ZFPM1: variants seen among roughly 807,000 people sequenced by gnomAD.
The protein encoded by ZFPM1 is zinc finger protein ZFPM1.
In ZFPM1, 28 loss-of-function variants were observed where a neutral mutation model predicts 46.3. The observed-to-expected ratio is 0.60, with a 90% CI of 0.45 to 0.83. ZFPM1 has a LOEUF of 0.83. ZFPM1 is among the 40% of genes least tolerant of loss of function. The probability of loss-of-function intolerance (pLI) is 0.00; values close to 1 mark genes in which losing one functional copy is unlikely to be tolerated. For synonymous variants in ZFPM1, 957 were observed against 675.9 expected (o/e 1.42, Z -6.45); for missense variants, 1,878 against 1,432.4 (o/e 1.31, Z -5.02).
chr16:88,455,248 A>T (rs1907492268), intron 1 of ZFPM1, among the ~76,000 whole-genome samples: 1 of 151,992 alleles, frequency 6.6e-6, no homozygotes, highest in Non-Finnish European at 1.5e-5. Flanking sequence ...TCCAGCGCTG[A>T]TAAGGCCGCC....
Position 88,533,506 on chromosome 16 carries a change from C to A in ZFPM1, c.1548C>A (p.Gly516=), listed in dbSNP as rs537685735. ...CGCCGGGCTCCAGCCCGGTGCCCGGCGAGCTGGGCCTGGCCGGGGCCCTGT... is the reference window on the plus strand; with the variant it reads ...CGCCGGGCTCCAGCCCGGTGCCCGGAGAGCTGGGCCTGGCCGGGGCCCTGT... ...SPTPGSSPVP[G]ELGLAGALFL... The change falls in exon 10 of 10, where the codon GGC becomes GGA. Residue 516 remains glycine (G), a synonymous_variant. Coordinates refer to ENST00000319555, the MANE Select transcript of ZFPM1 (RefSeq NM_153813.3). 9.2e-6 allele frequency: 13 copies of A among 1,406,152 alleles called. No homozygotes were observed. In the South Asian group the frequency reaches 1.5e-4, roughly 17 times the overall value. 87.1% of individuals were successfully genotyped at this position (1,406,152 alleles called of 1,614,324 possible).
intron 3 of ZFPM1, among the ~76,000 whole-genome samples, chr16:88,510,506 TG>T (rs1303299162): frequency 6.6e-6 from 1 of 152,244 alleles, no homozygotes; most frequent in Non-Finnish European, 1.5e-5. Flanking sequence ...CGCAGATGCC[TG>T]GGGGTGAAAT....
intron 3 of ZFPM1, among the ~76,000 whole-genome samples, chr16:88,489,535 C>A (rs545622763): frequency 1.3e-5 from 2 of 152,198 alleles, no homozygotes; most frequent in Non-Finnish European, 2.9e-5. Context: ...CCAGCTGGGC[C>A]GGGATTCAGA....
rs765641103 is a variant in ZFPM1 at position 88,486,011 on chromosome 16, C to T, written c.113C>T (p.Thr38Met). Reference sequence around the variant, plus strand: ...GCCAGCCACATGGAGCAAAAGGCCACGGCACCTGAAGCCCCGAGCCCTCCC... The same window carrying T: ...GCCAGCCACATGGAGCAAAAGGCCATGGCACCTGAAGCCCCGAGCCCTCCC... ...VGASHMEQKA[T>M]APEAPSPPSA... Residue 38 changes from threonine to methionine, a missense_variant, in exon 2 of 10, where the codon ACG (threonine) becomes ATG (methionine). Physicochemically the swap from Thr to Met is moderately conservative, Grantham distance 81. Transcript: ENST00000319555. 1.4e-5 allele frequency: 23 copies of T among 1,612,762 alleles called. No individual in the cohort carries two copies. The highest frequency in any genetic ancestry group is 2.2e-5 in the East Asian group (1 of 44,882).
chr16:88,526,279 T>C (rs1015965858), intron 4 of ZFPM1, among the ~76,000 whole-genome samples: 13 of 151,914 alleles, frequency 8.6e-5, no homozygotes, highest in African/African-American at 3.1e-4. Flanking sequence ...GGCCCGAGGG[T>C]TGCTAGGGAA....
At chr16:88,527,903 T>G in intron 5 of ZFPM1, 129 bp from the exon 6 acceptor site, 1 of 944,616 alleles carries the variant, frequency 1.1e-6, no homozygotes, top group Non-Finnish European at 1.5e-6. Flanking sequence ...AGGATGGCCC[T>G]GGCAGCCAGC....
rs1913135810 is a variant in ZFPM1 at position 88,534,629 on chromosome 16, G to A, written c.2671G>A (p.Glu891Lys). 1.8e-6 allele frequency: 2 copies of A among 1,097,370 alleles called. No homozygotes were observed. Among genetic ancestry groups the A allele is most frequent in the Non-Finnish European group, 2.2e-6 (2 of 903,568 alleles). The allele number at this position is 1,097,370 out of a possible 1,614,324, so 68.0% of individuals were successfully genotyped here. Residue 891 changes from glutamate (E) to lysine (K), a missense_variant, in exon 10 of 10, where the codon GAG (glutamate) becomes AAG (lysine). Physicochemically the swap from Glu to Lys is moderately conservative, Grantham distance 56. Transcript: ENST00000319555. ...CGCGCCCCTGGCCGGCCCGGGGGTC[G>A]AGGCCCGGACGCCGGCCGACCGCGG... ...LGAPLAGPGV[E>K]ARTPADRGPS... is the part of the protein sequence containing the mutation.
chr16:88,512,118 G>A (rs909311258), intron 3 of ZFPM1, among the ~76,000 whole-genome samples: 2 of 152,228 alleles, frequency 1.3e-5, no homozygotes, highest in African/African-American at 2.4e-5. Context: ...TGCCAGCCAC[G>A]CTCTTATCTG....
chr16:88,505,872 G>GC (rs1166162361), intron 3 of ZFPM1, among the ~76,000 whole-genome samples: 6 of 152,008 alleles, frequency 3.9e-5, no homozygotes, highest in Non-Finnish European at 5.9e-5. Flanking sequence ...CGCCGGCAGG[G>GC]CCCCCCCATG....
At chr16:88,452,828 G>C (rs960759), upstream of ZFPM1, among the ~76,000 whole-genome samples, 7,873 of 152,314 alleles carry the variant, frequency 0.052, 321 homozygotes, top group East Asian at 0.21. Flanking sequence ...GAGAGGCGGG[G>C]CGCAGGATGC....
intron 2 of ZFPM1, among the ~76,000 whole-genome samples, chr16:88,486,713 G>T (rs1045098022): frequency 1.3e-5 from 2 of 151,422 alleles, no homozygotes; most frequent in African/African-American, 4.9e-5. Flanking sequence ...GTGGGTACTG[G>T]GGGCACAGTG....
At chr16:88,468,024 A>ACCCGCGAGCCCCCCACCGCCCCTCACGCC (rs1908220842) in intron 1 of ZFPM1, among the ~76,000 whole-genome samples, 1 of 68,462 alleles carries the variant, frequency 1.5e-5, no homozygotes, top group Admixed American at 1.6e-4. Flanking sequence ...CCCCTCACAC[A>ACCCGCGAGCCCCCCACCGCCCCTCACGCC]CCCGCGAGCC....
Position 88,534,314 on chromosome 16 carries a change from T to G in ZFPM1, c.2356T>G (p.Ser786Ala). 7.6e-7 allele frequency: 1 copy of G among 1,309,282 alleles called. No homozygotes were observed. The highest frequency in any genetic ancestry group is 9.7e-7 in the Non-Finnish European group (1 of 1,031,942). The allele number at this position is 1,309,282 out of a possible 1,614,324, so 81.1% of individuals were successfully genotyped here. ...GSGPGLAPARSPGPAADGPID... is the reference protein window; with the variant it reads ...GSGPGLAPARAPGPAADGPID... Reference sequence around the variant, plus strand: ...CGGCCCCGGCCTCGCCCCTGCGCGCTCGCCCGGCCCCGCGGCCGACGGCCC... The same window carrying G: ...CGGCCCCGGCCTCGCCCCTGCGCGCGCGCCCGGCCCCGCGGCCGACGGCCC... Residue 786 changes from serine to alanine, a missense_variant, in exon 10 of 10, where the codon TCG (serine) becomes GCG (alanine). Coordinates refer to ENST00000319555, the MANE Select transcript of ZFPM1 (RefSeq NM_153813.3).
In ZFPM1 at chr16:88,522,479, G is replaced by A. The variant is rs1008823787; in HGVS notation, c.403-4335G>A. Among the ~76,000 whole-genome samples the A allele has an allele frequency of 5.3e-5, 8 of 152,218 alleles. No individual in the cohort carries two copies. The South Asian group carries it at 8.3e-4, about 16-fold the overall frequency. ...CCACGGGGCTTCTGCAGGACCGGCC[G>A]TTTGGCTCCATGGGCCGGGCCACCC... On this transcript the variant is annotated intron_variant, in intron 4 of 9. Transcript: ENST00000319555.
At chr16:88,491,053 T>G (rs796907015) in intron 3 of ZFPM1, among the ~76,000 whole-genome samples, 2 of 139,970 alleles carry the variant, frequency 1.4e-5, no homozygotes, top group African/African-American at 2.7e-5. Flanking sequence ...TTCGGGGGTC[T>G]CGGTCAGGCG....
chr16:88,473,863 G>A (rs979206798), intron 1 of ZFPM1, among the ~76,000 whole-genome samples: 19 of 152,124 alleles, frequency 1.2e-4, no homozygotes, highest in African/African-American at 3.9e-4. Flanking sequence ...GGCCCCACGC[G>A]GCCTCGCCAC....
At chr16:88,514,970 G>C (rs531993189) in intron 4 of ZFPM1, among the ~76,000 whole-genome samples, 1 of 152,278 alleles carries the variant, frequency 6.6e-6, no homozygotes, top group East Asian at 1.9e-4. Context: ...CCATGGCCTC[G>C]GCACGTGTGC....
chr16:88,485,337 G>A (rs952995664), intron 1 of ZFPM1, among the ~76,000 whole-genome samples: 2 of 152,174 alleles, frequency 1.3e-5, no homozygotes, highest in African/African-American at 4.8e-5. Context: ...GAATCCGTGG[G>A]CGTGGTGGAG....
At position 88,534,318 on chromosome 16, in the gene ZFPM1, C is replaced by CCGGCCCCGCGGCCGA; in HGVS notation, c.2368_2382dup (p.Ala790_Pro794dup). ...CCCGGCCTCGCCCCTGCGCGCTCGC[C>CCGGCCCCGCGGCCGA]CGGCCCCGCGGCCGACGGCCCCATC... On this transcript the variant is annotated inframe_insertion, in exon 10 of 10. Transcript: ENST00000319555. 1 of 1,328,234 alleles carries CCGGCCCCGCGGCCGA rather than the reference C, an allele frequency of 7.5e-7. No homozygotes were observed. Among genetic ancestry groups the CCGGCCCCGCGGCCGA allele is most frequent in the Non-Finnish European group, 9.6e-7 (1 of 1,040,856 alleles). The allele number at this position is 1,328,234 out of a possible 1,614,324, so 82.3% of individuals were successfully genotyped here.
Sources: allele counts gnomAD v4.1 joint callset (sites outside exome capture counted in the v4.1 genomes callset), GRCh38; gene constraint gnomAD v4.1.1; transcripts MANE v1.5; gene names NCBI Gene and HGNC (gene_info 2026-07-23, HGNC 2026-07-21).